Variants in PCDH7 observed in about 807,000 individuals in gnomAD.
PCDH7 encodes the protein protocadherin-7.
In PCDH7, 17 loss-of-function variants were observed where a neutral mutation model predicts 58.9. That is an observed-to-expected ratio of 0.29 (90% CI 0.20 to 0.43). The LOEUF is 0.43. Ranked by LOEUF, PCDH7 falls within the 20% of genes least tolerant of loss-of-function variation. PCDH7 has a pLI of 1.00. For synonymous variants in PCDH7, 664 were observed against 616.4 expected, an observed-to-expected ratio of 1.08 and a Z score of -1.14; for missense variants, 1,274 against 1,441.0, an observed-to-expected ratio of 0.88 and a Z score of 1.88.
At chr4:30,727,657 G>A (rs1407261046) in intron 1 of PCDH7, among the ~76,000 whole-genome samples, 1 of 151,786 alleles carries the variant, frequency 6.6e-6, no homozygotes, top group East Asian at 1.9e-4. Context: ...ATTCTTCCTT[G>A]GTAAACCTGG....
intron 1 of PCDH7, among the ~76,000 whole-genome samples, chr4:30,847,626 T>A (rs1732159161): frequency 6.6e-6 from 1 of 151,970 alleles, no homozygotes; most frequent in Non-Finnish European, 1.5e-5. Flanking sequence ...TTAGTGAAAC[T>A]TTTTTTTAAA....
chr4:31,105,758 A>G (rs1157285264), intron 3 of PCDH7, among the ~76,000 whole-genome samples: 1 of 152,192 alleles, frequency 6.6e-6, no homozygotes, highest in Non-Finnish European at 1.5e-5. Context: ...CTGTAATCCC[A>G]GCACTTTAGG....
At chr4:30,784,596 T>C (rs1723172602) in intron 1 of PCDH7, among the ~76,000 whole-genome samples, 1 of 152,128 alleles carries the variant, frequency 6.6e-6, no homozygotes, top group Non-Finnish European at 1.5e-5. Context: ...ATTAAAACAT[T>C]TGACACCTAT....
intron 3 of PCDH7, among the ~76,000 whole-genome samples, chr4:31,038,471 A>G (rs1167130780): frequency 6.6e-6 from 1 of 152,180 alleles, no homozygotes; most frequent in East Asian, 1.9e-4. Flanking sequence ...TAGCCAGAGG[A>G]CTATTTGAGA....
At chr4:30,809,183 G>C (rs1011613725) in intron 1 of PCDH7, among the ~76,000 whole-genome samples, 2 of 152,124 alleles carry the variant, frequency 1.3e-5, no homozygotes, top group African/African-American at 2.4e-5. Context: ...TTAACAAAAT[G>C]GAAAATTAGA....
rs188217338 is a variant in PCDH7, at chr4:31,054,006, C to T, written c.*8-88467C>T. On this transcript the variant is annotated intron_variant, in intron 3 of 3. Coordinates refer to the PCDH7 transcript ENST00000509759. ...ACATGGTCTTGTTCTGTCATCCAGA[C>T]TGGAGTACTGTGCCATAGTCACAAT... Among the ~76,000 whole-genome samples, 283 of 152,228 alleles carry T rather than the reference C, an allele frequency of 1.9e-3. 1 individual carries two copies. The highest frequency in any genetic ancestry group is 1.2e-3 in the Non-Finnish European group (83 of 68,004).
chr4:30,797,810 G>A (rs182082854), intron 1 of PCDH7, among the ~76,000 whole-genome samples: 9 of 152,144 alleles, frequency 5.9e-5, no homozygotes, highest in African/African-American at 2.2e-4. Flanking sequence ...TTTTCTGGGG[G>A]CACGCAATAA....
rs747033169 is a variant in PCDH7, at chr4:31,122,758, T to TA, written c.*8-19707dup. Among the ~76,000 whole-genome samples the TA allele has an allele frequency of 2.0e-4, 31 of 151,730 alleles. 1 individual carries two copies. The highest frequency in any genetic ancestry group is 6.0e-4 in the African/African-American group (25 of 41,444). ...TTTAAGTAAATTGGGATTTAAGCAGTAAAAAAAATATGATTCGAAAATATA... is the reference window on the plus strand; with the variant it reads ...TTTAAGTAAATTGGGATTTAAGCAGTAAAAAAAAATATGATTCGAAAATATA... On this transcript the variant is annotated intron_variant, in intron 3 of 3. Transcript: ENST00000509759.
chr4:30,729,978 T>TA (rs1715249151), intron 1 of PCDH7, among the ~76,000 whole-genome samples: 1 of 151,980 alleles, frequency 6.6e-6, no homozygotes, highest in Non-Finnish European at 1.5e-5. Context: ...TGAACTATTT[T>TA]AAAAACTAAA....
chr4:31,055,287 A>C (rs1284649534), intron 3 of PCDH7, among the ~76,000 whole-genome samples: 2 of 152,174 alleles, frequency 1.3e-5, no homozygotes, highest in Admixed American at 1.3e-4. Flanking sequence ...ATTTTCTGTT[A>C]AAAATATTGA....
intron 2 of PCDH7, among the ~76,000 whole-genome samples, chr4:30,925,449 T>A (rs1455054452): frequency 6.6e-6 from 1 of 152,196 alleles, no homozygotes; most frequent in Non-Finnish European, 1.5e-5. Flanking sequence ...GCCTCTTCCA[T>A]CTTTCCAAAG....
At chr4:30,874,684 G>A (rs753981865) in intron 1 of PCDH7, among the ~76,000 whole-genome samples, 47 of 147,546 alleles carry the variant, frequency 3.2e-4, no homozygotes, top group Non-Finnish European at 5.1e-4. Flanking sequence ...AAAACTTAAA[G>A]TATAATAATA....
chr4:31,095,684 T>G (rs1488602578), intron 3 of PCDH7, among the ~76,000 whole-genome samples: 1 of 151,844 alleles, frequency 6.6e-6, no homozygotes, highest in East Asian at 1.9e-4. Flanking sequence ...GGCTTGGGAG[T>G]GGAGTATTTA....
At chr4:31,057,068 A>G (rs906404068) in intron 3 of PCDH7, among the ~76,000 whole-genome samples, 1 of 152,240 alleles carries the variant, frequency 6.6e-6, no homozygotes, top group African/African-American at 2.4e-5. Flanking sequence ...AAGTCTATTC[A>G]TTTATAAATA....
At chr4:31,046,173 C>T (rs974803449) in intron 3 of PCDH7, among the ~76,000 whole-genome samples, 1 of 151,914 alleles carries the variant, frequency 6.6e-6, no homozygotes, top group East Asian at 1.9e-4. Context: ...GCTAAATAGT[C>T]CAGTCTAGGC....
Position 31,034,618 on chromosome 4 carries a change from C to T in PCDH7, c.*7+84403C>T, listed in dbSNP as rs987219537. ...TATTATCTAAGTCTCATTTTACCTACTAGTAATGCTACTCCAGAATTTTTT... is the reference window on the plus strand; with the variant it reads ...TATTATCTAAGTCTCATTTTACCTATTAGTAATGCTACTCCAGAATTTTTT... On this transcript the variant is annotated intron_variant, in intron 3 of 3. Coordinates refer to the PCDH7 transcript ENST00000509759. 1.4e-4 allele frequency among the ~76,000 whole-genome samples: 21 copies of T among 152,160 alleles called. 1 individual carries two copies. Among genetic ancestry groups the T allele is most frequent in the Admixed American group, 6.5e-5 (1 of 15,284 alleles).
At chr4:30,860,101 TCAATTCTCAAA>T (rs1323360833) in intron 1 of PCDH7, among the ~76,000 whole-genome samples, 2 of 152,160 alleles carry the variant, frequency 1.3e-5, no homozygotes, top group Non-Finnish European at 2.9e-5. Flanking sequence ...AGTAAGGCAT[TCAATTCTCAAA>T]CCTCTGAAGG....
At chr4:30,756,706 T>G (rs1334281972) in intron 1 of PCDH7, among the ~76,000 whole-genome samples, 1 of 152,220 alleles carries the variant, frequency 6.6e-6, no homozygotes, top group Admixed American at 6.5e-5. Flanking sequence ...ATTCTCTTCC[T>G]GTCTTTTGTT....
At chr4:30,750,760 T>C (rs1718407129) in intron 1 of PCDH7, among the ~76,000 whole-genome samples, 1 of 151,968 alleles carries the variant, frequency 6.6e-6, no homozygotes, top group African/African-American at 2.4e-5. Context: ...ATACAAAAAA[T>C]GGTTATGAAT....
Sources: allele counts gnomAD v4.1 joint callset (sites outside exome capture counted in the v4.1 genomes callset), GRCh38; gene constraint gnomAD v4.1.1; transcripts MANE v1.5; gene names NCBI Gene and HGNC (gene_info 2026-07-23, HGNC 2026-07-21).